SH3GL3: variants seen among roughly 807,000 people sequenced by gnomAD.
SH3GL3 encodes endophilin-A3.
In SH3GL3, 33 loss-of-function variants were observed where a neutral mutation model predicts 47.7. The ratio of observed to expected loss-of-function variants is 0.69; its 90% CI spans 0.52 to 0.92. SH3GL3 has a LOEUF of 0.92. SH3GL3 is among the 40% of genes least tolerant of loss of function. The probability of loss-of-function intolerance (pLI) is 0.00; values close to 1 mark genes in which losing one functional copy is unlikely to be tolerated. For missense variants in SH3GL3, 363 were observed against 417.8 expected, an observed-to-expected ratio of 0.87 and a Z score of 1.14; for synonymous variants, 155 against 148.8, an observed-to-expected ratio of 1.04 and a Z score of -0.30.
intron 1 of SH3GL3, among the ~76,000 whole-genome samples, chr15:83,476,530 C>A (rs1008959954): frequency 3.9e-5 from 6 of 152,144 alleles, no homozygotes; most frequent in Non-Finnish European, 7.4e-5. Flanking sequence ...TGGCCCACTG[C>A]CTGTTTTATT....
At chr15:83,622,834 C>T (rs752106198), downstream of SH3GL3, among the ~76,000 whole-genome samples, 1 of 152,252 alleles carries the variant, frequency 6.6e-6, no homozygotes, top group Non-Finnish European at 1.5e-5. Context: ...TATACCCTTG[C>T]ACATCACTTC....
At chr15:83,508,966 C>T (rs2042632728) in intron 1 of SH3GL3, among the ~76,000 whole-genome samples, 1 of 152,158 alleles carries the variant, frequency 6.6e-6, no homozygotes, top group African/African-American at 2.4e-5. Flanking sequence ...AGCAGGGAGA[C>T]TGATTAGAGG....
At chr15:83,552,099 T>C (rs1476766619) in intron 1 of SH3GL3, among the ~76,000 whole-genome samples, 1 of 152,194 alleles carries the variant, frequency 6.6e-6, no homozygotes, top group Non-Finnish European at 1.5e-5. Context: ...ATTGATCTCA[T>C]TGTGGATTGC....
chr15:83,499,851 T>C (rs893238093), intron 1 of SH3GL3, among the ~76,000 whole-genome samples: 1 of 152,208 alleles, frequency 6.6e-6, no homozygotes, highest in African/African-American at 2.4e-5. Context: ...CAGTAGGGCC[T>C]GGCCACAGAA....
chr15:83,559,172 G>T, intron 1 of SH3GL3, 81 bp from the exon 2 acceptor site: 2 of 832,502 alleles, frequency 2.4e-6, no homozygotes, highest in Admixed American at 2.6e-5. Context: ...AAGTTTTTTT[G>T]TTTCTGTTTT....
At chr15:83,613,126 A>G (rs1167316535) in intron 8 of SH3GL3, among the ~76,000 whole-genome samples, 1 of 152,220 alleles carries the variant, frequency 6.6e-6, no homozygotes, top group Non-Finnish European at 1.5e-5. Flanking sequence ...GGCTGCATGT[A>G]TAATTCAGGG....
chr15:83,503,178 T>C (rs1351570215), intron 1 of SH3GL3, among the ~76,000 whole-genome samples: 1 of 152,132 alleles, frequency 6.6e-6, no homozygotes, highest in Admixed American at 6.5e-5. Context: ...GAAAAAAACA[T>C]TATAAAATAC....
At chr15:83,500,541 T>C (rs765829779) in intron 1 of SH3GL3, among the ~76,000 whole-genome samples, 87 of 152,278 alleles carry the variant, frequency 5.7e-4, no homozygotes, top group African/African-American at 1.8e-3. Context: ...AGATGCTGCA[T>C]TGGGGGCCTA....
intron 6 of SH3GL3, among the ~76,000 whole-genome samples, chr15:83,578,038 G>A (rs529006983): frequency 7.9e-4 from 120 of 152,262 alleles, no homozygotes; most frequent in African/African-American, 2.7e-3. Context: ...TTGTGGGCTC[G>A]GGAATTGTGA....
chr15:83,562,325 G>A (rs1457432564), intron 2 of SH3GL3, among the ~76,000 whole-genome samples: 1 of 152,012 alleles, frequency 6.6e-6, no homozygotes, highest in Non-Finnish European at 1.5e-5. Context: ...TGTTTCTTGG[G>A]CTTTTTTGTT....
chr15:83,599,773 T>A (rs1221507324), intron 8 of SH3GL3, among the ~76,000 whole-genome samples: 1 of 152,174 alleles, frequency 6.6e-6, no homozygotes, highest in African/African-American at 2.4e-5. Context: ...CTCCACACAG[T>A]TTTCCATAGT....
chr15:83,557,287 A>C lies in SH3GL3; in HGVS notation c.46-1966A>C, dbSNP rs540194263. Among the ~76,000 whole-genome samples, 4 of 152,370 alleles carry C rather than the reference A, an allele frequency of 2.6e-5. No homozygotes were observed. In the East Asian group the frequency reaches 7.7e-4, roughly 29 times the overall value. On this transcript the variant is annotated intron_variant, in intron 1 of 8. Transcript: ENST00000427482. ...ATGATTTCACTACTGAACAACAACAATGAAAATGTTTAGGAGAGTTAACTG... is the reference window on the plus strand; with the variant it reads ...ATGATTTCACTACTGAACAACAACACTGAAAATGTTTAGGAGAGTTAACTG...
intron 8 of SH3GL3, among the ~76,000 whole-genome samples, chr15:83,603,156 C>T (rs773457016): frequency 3.9e-5 from 6 of 152,042 alleles, no homozygotes; most frequent in East Asian, 3.9e-4. Context: ...TGCACCACCA[C>T]GCCTGGCCAA....
chr15:83,558,359 C>T (rs1012361375), intron 1 of SH3GL3, among the ~76,000 whole-genome samples: 1 of 152,070 alleles, frequency 6.6e-6, no homozygotes, highest in Non-Finnish European at 1.5e-5. Context: ...TTTTATTTTC[C>T]TCCATTCTTC....
At chr15:83,594,180 A>C (rs2060181971) in intron 8 of SH3GL3, among the ~76,000 whole-genome samples, 1 of 152,178 alleles carries the variant, frequency 6.6e-6, no homozygotes, top group Non-Finnish European at 1.5e-5. Flanking sequence ...GTTTGAAGAG[A>C]GTTTTAATGA....
the SH3GL3 span, among the ~76,000 whole-genome samples, chr15:83,626,943 A>T: frequency 1.3e-5 from 2 of 152,198 alleles, no homozygotes; most frequent in African/African-American, 4.8e-5. Flanking sequence ...ACTGATTTTT[A>T]TCCAGGTCTA....
rs907183616 is a variant in SH3GL3 at position 83,568,593 on chromosome 15, A to G, written c.252A>G (p.Thr84=). The G allele has an allele frequency of 4.3e-6, 7 of 1,613,262 alleles. No individual in the cohort carries two copies. Among genetic ancestry groups the G allele is most frequent in the Middle Eastern group, 1.6e-4 (1 of 6,062 alleles). ...VSKIRGQVKT[T]GYPQTEGLLG... ...AGATCCGAGGGCAGGTGAAGACCAC[A>G]GGATACCCGCAGACGGAAGGCTTGC... Residue 84 remains threonine, a synonymous_variant, in exon 4 of 9, where the codon ACA becomes ACG. Transcript: ENST00000427482.
intron 5 of SH3GL3, among the ~76,000 whole-genome samples, chr15:83,573,648 G>A (rs2059595162): frequency 6.6e-6 from 1 of 152,210 alleles, no homozygotes; most frequent in Non-Finnish European, 1.5e-5. Flanking sequence ...CTGGTGGGAT[G>A]TGTGAGCTTG....
intron 1 of SH3GL3, among the ~76,000 whole-genome samples, chr15:83,493,551 G>A (rs1166315329): frequency 6.6e-6 from 1 of 152,130 alleles, no homozygotes; most frequent in African/African-American, 2.4e-5. Context: ...CTCCATGCTG[G>A]TGGCCTTCAC....
Sources: gnomAD v4.1 joint callset for allele counts (sites outside exome capture counted in the v4.1 genomes callset) on GRCh38, gnomAD v4.1.1 for gene constraint, MANE v1.5 for transcripts, NCBI Gene and HGNC (gene_info 2026-07-23, HGNC 2026-07-21) for gene names.